NDUFS4: variants seen among roughly 807,000 people sequenced by gnomAD.
NDUFS4 encodes the protein NADH:ubiquinone oxidoreductase subunit S4.
In NDUFS4, 28 loss-of-function variants were observed where a neutral mutation model predicts 24.3. That is an observed-to-expected ratio of 1.15 (90% CI 0.85 to 1.58). The LOEUF is 1.58. Ranked by LOEUF, NDUFS4 falls within the 40% of genes most tolerant of loss-of-function variation. The pLI, the probability that NDUFS4 is intolerant of heterozygous loss-of-function variation, is 0.00. For synonymous variants in NDUFS4, 93 were observed against 69.7 expected (o/e 1.34, Z -1.67); for missense variants, 223 against 207.9 (o/e 1.07, Z -0.45).
At position 53,635,689 on chromosome 5, in the gene NDUFS4, T is replaced by C. The variant is rs1349266388; in HGVS notation, c.178-10544T>C. 2.0e-5 allele frequency among the ~76,000 whole-genome samples: 3 copies of C among 152,348 alleles called. No homozygotes were observed. The East Asian group carries it at 5.8e-4, about 29-fold the overall frequency. The stretch of plus-strand genomic sequence containing the variant: ...TTCAAAATGCTTCTGTTAAACATAC[T>C]GGTTTTCATCTAGGCATTGATCCTT... On this transcript the variant is annotated intron_variant, in intron 2 of 4. Coordinates refer to ENST00000296684, the MANE Select transcript of NDUFS4 (RefSeq NM_002495.4).
chr5:53,675,940 A>G (rs2111591097), intron 4 of NDUFS4, among the ~76,000 whole-genome samples: 1 of 152,326 alleles, frequency 6.6e-6, no homozygotes, highest in East Asian at 1.9e-4. Context: ...TCGATGATGA[A>G]GTTTGCCTGC....
rs1178924095 is a variant in NDUFS4, at chr5:53,560,688, T to C, written c.26T>C (p.Val9Ala). 5 of 1,614,144 alleles carry C rather than the reference T, an allele frequency of 3.1e-6. No individual in the cohort carries two copies. The African/African-American group carries it at 6.7e-5, about 22-fold the overall frequency. The change falls in exon 1 of 5, where the codon GTA becomes GCA. Residue 9 changes from valine (V) to alanine (A), a missense_variant. Coordinates refer to ENST00000296684, the MANE Select transcript of NDUFS4 (RefSeq NM_002495.4). ...ATGGCGGCGGTGTCAATGTCAGTGG[T>C]ACTGAGGCAGACGTTGTGGCGGAGA... Reference protein sequence around the residue: MAAVSMSVVLRQTLWRRRA... With the variant: MAAVSMSVALRQTLWRRRA...
chr5:53,653,349 TA>T (rs1752072561), intron 3 of NDUFS4, among the ~76,000 whole-genome samples: 1 of 152,326 alleles, frequency 6.6e-6, no homozygotes, highest in Middle Eastern at 3.4e-3. Context: ...GGTTGGCAGA[TA>T]GTTCTTTTGA....
intron 1 of NDUFS4, among the ~76,000 whole-genome samples, chr5:53,575,753 G>T (rs1469785415): frequency 6.6e-6 from 1 of 151,828 alleles, no homozygotes; most frequent in Non-Finnish European, 1.5e-5. Context: ...TGATGGCCAG[G>T]CTGGTTTCAA....
intron 2 of NDUFS4, among the ~76,000 whole-genome samples, chr5:53,622,398 G>A (rs1049376324): frequency 6.6e-6 from 1 of 152,044 alleles, no homozygotes; most frequent in Non-Finnish European, 1.5e-5. Context: ...TTCTGTTGAG[G>A]GCTGTCTTCC....
rs552354282 is a variant in NDUFS4 at position 53,635,850 on chromosome 5, T to A, written c.178-10383T>A. 1.6e-4 allele frequency among the ~76,000 whole-genome samples: 24 copies of A among 151,996 alleles called. No homozygotes were observed. In the South Asian group the frequency reaches 5.0e-3, roughly 32 times the overall value. ...AGATTTTTCTTATTTGGGGGAAAAA[T>A]TGTATCTTATATCATTTTTCTAAAA... On this transcript the variant is annotated intron_variant, in intron 2 of 4. Coordinates refer to ENST00000296684, the MANE Select transcript of NDUFS4 (RefSeq NM_002495.4).
At chr5:53,578,050 C>G (rs1749442411) in intron 1 of NDUFS4, among the ~76,000 whole-genome samples, 1 of 152,198 alleles carries the variant, frequency 6.6e-6, no homozygotes, top group South Asian at 2.1e-4. Flanking sequence ...TCATCTCTGA[C>G]TGATTATCAT....
chr5:53,637,989 G>C (rs903870080), intron 2 of NDUFS4, among the ~76,000 whole-genome samples: 3 of 152,086 alleles, frequency 2.0e-5, no homozygotes, highest in African/African-American at 7.2e-5. Flanking sequence ...AATGGCCGTG[G>C]TTAAAAGTCT....
chr5:53,650,759 T>C (rs893138054), intron 3 of NDUFS4, among the ~76,000 whole-genome samples: 6 of 152,230 alleles, frequency 3.9e-5, no homozygotes, highest in Admixed American at 3.9e-4. Context: ...ATTTTGGGGA[T>C]AGTGTGTCCT....
At chr5:53,597,389 A>G (rs946354905) in intron 1 of NDUFS4, among the ~76,000 whole-genome samples, 2 of 152,240 alleles carry the variant, frequency 1.3e-5, no homozygotes, top group African/African-American at 4.8e-5. Context: ...AACAGGATAC[A>G]GACTTCAGCT....
In NDUFS4 at chr5:53,683,134, T is replaced by C. The variant is rs1579954529; in HGVS notation, c.441T>C (p.Ile147=). Residue 147 remains isoleucine (I), a synonymous_variant, in exon 5 of 5, where the codon ATT becomes ATC. Transcript: ENST00000296684. The stretch of plus-strand genomic sequence containing the variant: ...TCCTCCTAGGATGGAGCTATGACAT[T>C]GAAGAGAGGAAGGTTCCAAAACCCA... ...FAEKNGWSYD[I]EERKVPKPKS... is the part of the protein sequence containing the mutation. 1 of 1,605,886 alleles carries C rather than the reference T, an allele frequency of 6.2e-7. No individual in the cohort carries two copies.
intron 4 of NDUFS4, among the ~76,000 whole-genome samples, chr5:53,663,441 T>G (rs986478454): frequency 2.6e-5 from 4 of 152,192 alleles, no homozygotes; most frequent in African/African-American, 9.6e-5. Flanking sequence ...TGTTAAAGTC[T>G]CCCATTGTTA....
At chr5:53,633,479 A>G (rs1290634272) in intron 2 of NDUFS4, among the ~76,000 whole-genome samples, 1 of 152,156 alleles carries the variant, frequency 6.6e-6, no homozygotes, top group African/African-American at 2.4e-5. Flanking sequence ...AAGCCTTGCT[A>G]AGTTTCTGCA....
chr5:53,643,724 G>C (rs921777006), intron 2 of NDUFS4, among the ~76,000 whole-genome samples: 3 of 152,230 alleles, frequency 2.0e-5, no homozygotes, highest in African/African-American at 4.8e-5. Context: ...AGGAATTTTA[G>C]AGCCTCTGTA....
At chr5:53,639,469 A>G (rs954019447) in intron 2 of NDUFS4, among the ~76,000 whole-genome samples, 1 of 151,976 alleles carries the variant, frequency 6.6e-6, no homozygotes, top group African/African-American at 2.4e-5. Context: ...TGACCTAGAC[A>G]TTTAATGAAT....
At chr5:53,674,692 A>T (rs1740398423) in intron 4 of NDUFS4, among the ~76,000 whole-genome samples, 1 of 152,214 alleles carries the variant, frequency 6.6e-6, no homozygotes, top group East Asian at 1.9e-4. Flanking sequence ...ATTAATTTTG[A>T]AGGTGACATA....
At chr5:53,664,003 C>G (rs1752429969) in intron 4 of NDUFS4, among the ~76,000 whole-genome samples, 1 of 152,172 alleles carries the variant, frequency 6.6e-6, no homozygotes, top group Non-Finnish European at 1.5e-5. Flanking sequence ...GTGCTTCCTT[C>G]AAGAGCTCTT....
chr5:53,672,918 T>G (rs910338103), intron 4 of NDUFS4, among the ~76,000 whole-genome samples: 2 of 152,158 alleles, frequency 1.3e-5, no homozygotes, highest in African/African-American at 4.8e-5. Context: ...CTCAGATAAG[T>G]GACATTGATT....
intron 2 of NDUFS4, among the ~76,000 whole-genome samples, chr5:53,607,583 A>C (rs1419835487): frequency 6.6e-6 from 1 of 152,204 alleles, no homozygotes; most frequent in Non-Finnish European, 1.5e-5. Flanking sequence ...GAATATCTAT[A>C]TACCTCTATG....
Sources: allele counts gnomAD v4.1 joint callset (sites outside exome capture counted in the v4.1 genomes callset), GRCh38; gene constraint gnomAD v4.1.1; transcripts MANE v1.5; gene names NCBI Gene and HGNC (gene_info 2026-07-23, HGNC 2026-07-21).